The following GPC6 variants were observed in gnomAD, a reference collection of about 807,000 sequenced individuals.
GPC6 encodes the protein glypican-6.
Under a neutral mutation model 55.2 loss-of-function variants are expected in GPC6, and 14 were observed. The observed-to-expected ratio is 0.25, with a 90% CI of 0.17 to 0.40. The LOEUF (loss-of-function observed/expected upper bound fraction) is 0.40, where lower values mean the gene tolerates loss of function less well. Among genes scored for constraint, GPC6 ranks in the 10% least tolerant of loss-of-function variants. GPC6 has a pLI of 1.00. For missense variants in GPC6, 641 were observed against 708.5 expected (o/e 0.90, Z 1.08); for synonymous variants, 278 against 259.6 (o/e 1.07, Z -0.68).
intron 1 of GPC6, among the ~76,000 whole-genome samples, chr13:93,494,089 T>C (rs1420374802): frequency 8.2e-6 from 1 of 122,258 alleles, no homozygotes; most frequent in Admixed American, 8.7e-5. Context: ...GTTGACTTTC[T>C]GTCTCGTTGA....
At chr13:93,717,145 C>T (rs190284420) in intron 2 of GPC6, among the ~76,000 whole-genome samples, 16 of 150,258 alleles carry the variant, frequency 1.1e-4, no homozygotes, top group East Asian at 2.0e-4. Flanking sequence ...CATGGGTGCG[C>T]ACACACACAC....
In GPC6 at chr13:94,341,615, G is replaced by A. The variant is rs774470326; in HGVS notation, c.1152+35492G>A. Among the ~76,000 whole-genome samples, 17 of 150,932 alleles carry A rather than the reference G, an allele frequency of 1.1e-4. 1 individual carries two copies. The highest frequency in any genetic ancestry group is 4.4e-5 in the Non-Finnish European group (3 of 67,812). ...AAAAAAAAAAAAAGATTGTTACTAT[G>A]CTAAAGAATATATCATCAAGATGAA... is the stretch of plus-strand genomic sequence containing the variant. On this transcript the variant is annotated intron_variant, in intron 6 of 8. Coordinates refer to ENST00000377047, the MANE Select transcript of GPC6 (RefSeq NM_005708.5).
intron 1 of GPC6, among the ~76,000 whole-genome samples, chr13:93,383,071 G>GCTGCT (rs1875246373): frequency 6.6e-6 from 1 of 152,256 alleles, no homozygotes; most frequent in East Asian, 1.9e-4. Context: ...AATGGGAAAG[G>GCTGCT]CTGCTATGAT....
intron 1 of GPC6, among the ~76,000 whole-genome samples, chr13:93,299,561 C>G (rs921700297): frequency 6.6e-6 from 1 of 152,194 alleles, no homozygotes; most frequent in Non-Finnish European, 1.5e-5. Context: ...AGAACTGCCA[C>G]TCACACTTGC....
intron 2 of GPC6, among the ~76,000 whole-genome samples, chr13:93,707,315 A>G (rs893464801): frequency 2.0e-5 from 3 of 151,726 alleles, no homozygotes; most frequent in African/African-American, 7.3e-5. Flanking sequence ...GTGATGAAAT[A>G]ATCTGTACAA....
intron 1 of GPC6, among the ~76,000 whole-genome samples, chr13:93,439,690 T>TA (rs11326410): frequency 1.4e-5 from 2 of 144,620 alleles, no homozygotes; most frequent in Admixed American, 6.7e-5. Flanking sequence ...ATAAAATAAA[T>TA]AAAAAAAATA....
intron 3 of GPC6, among the ~76,000 whole-genome samples, chr13:93,931,437 A>C (rs1235169238): frequency 5.1e-4 from 3 of 5,866 alleles, no homozygotes; most frequent in East Asian, 6.1e-3. Flanking sequence ...ATACACAGGC[A>C]AAAAAAAAAA....
chr13:93,581,543 A>G (rs1190844144), intron 2 of GPC6, among the ~76,000 whole-genome samples: 3 of 152,170 alleles, frequency 2.0e-5, no homozygotes. Flanking sequence ...ACCCATCTCT[A>G]CAAAAATACA....
chr13:94,018,695 A>G (rs774718919), intron 3 of GPC6, among the ~76,000 whole-genome samples: 4 of 151,952 alleles, frequency 2.6e-5, no homozygotes, highest in Non-Finnish European at 5.9e-5. Flanking sequence ...GGGGTCCCCA[A>G]CCCCCCAGCC....
At chr13:93,737,794 A>T (rs1036166360) in intron 2 of GPC6, among the ~76,000 whole-genome samples, 2 of 152,106 alleles carry the variant, frequency 1.3e-5, no homozygotes, top group Non-Finnish European at 2.9e-5. Context: ...CTTTGTCAAA[A>T]CATTATATTT....
chr13:93,967,746 A>G (rs535808271), intron 3 of GPC6, among the ~76,000 whole-genome samples: 1 of 152,324 alleles, frequency 6.6e-6, no homozygotes, highest in South Asian at 2.1e-4. Flanking sequence ...AATGCATTAA[A>G]TTGATTTTTC....
intron 2 of GPC6, among the ~76,000 whole-genome samples, chr13:93,622,846 A>G (rs1879015731): frequency 1.3e-5 from 2 of 152,206 alleles, no homozygotes; most frequent in African/African-American, 4.8e-5. Flanking sequence ...ATAGAGTACC[A>G]GAACTTATTT....
intron 2 of GPC6, among the ~76,000 whole-genome samples, chr13:93,616,315 A>T (rs1236088460): frequency 6.6e-6 from 1 of 152,056 alleles, no homozygotes; most frequent in Admixed American, 6.6e-5. Flanking sequence ...GAATACTTTA[A>T]TGGAAATTTA....
intron 1 of GPC6, among the ~76,000 whole-genome samples, chr13:93,392,798 T>C (rs2139219815): frequency 6.6e-6 from 1 of 152,274 alleles, no homozygotes; most frequent in South Asian, 2.1e-4. Flanking sequence ...ATGGTAGTTA[T>C]TTTACACCCA....
At chr13:93,517,081 TAGACAA>T (rs1416515365) in intron 1 of GPC6, among the ~76,000 whole-genome samples, 5 of 15,472 alleles carry the variant, frequency 3.2e-4, no homozygotes, top group African/African-American at 3.5e-4. Context: ...GATGCATTCA[TAGACAA>T]AGAGAGAATT....
intron 1 of GPC6, among the ~76,000 whole-genome samples, chr13:93,332,924 T>C (rs1240838523): frequency 1.3e-5 from 2 of 152,222 alleles, no homozygotes; most frequent in African/African-American, 4.8e-5. Context: ...CATATAGATA[T>C]CCAGTGTTCC....
intron 7 of GPC6, among the ~76,000 whole-genome samples, chr13:94,387,967 G>A (rs1207938487): frequency 6.6e-6 from 1 of 152,158 alleles, no homozygotes; most frequent in East Asian, 1.9e-4. Context: ...GGTAGAACCT[G>A]AGTGAGATTC....
At chr13:94,285,278 CAAGGCCAAG>C (rs1892496706) in intron 4 of GPC6, among the ~76,000 whole-genome samples, 2 of 152,118 alleles carry the variant, frequency 1.3e-5, no homozygotes, top group South Asian at 4.1e-4. Flanking sequence ...TGCCTTTTCC[CAAGGCCAAG>C]AAGGCACCTG....
chr13:93,730,252 A>C (rs780064388), intron 2 of GPC6, among the ~76,000 whole-genome samples: 2 of 152,156 alleles, frequency 1.3e-5, no homozygotes, highest in African/African-American at 2.4e-5. Flanking sequence ...CCAGACACTC[A>C]TCAAGTGCAG....
Sources: allele counts gnomAD v4.1 joint callset (sites outside exome capture counted in the v4.1 genomes callset), GRCh38; gene constraint gnomAD v4.1.1; transcripts MANE v1.5; gene names NCBI Gene and HGNC (gene_info 2026-07-23, HGNC 2026-07-21).